Variants in NT5C3A observed in about 807,000 individuals in gnomAD.
NT5C3A encodes the protein cytosolic 5'-nucleotidase 3A.
Under a neutral mutation model 40.0 loss-of-function variants are expected in NT5C3A, and 23 were observed. That is an observed-to-expected ratio of 0.58 (90% CI 0.41 to 0.81). The LOEUF is 0.81. NT5C3A is among the 40% of genes least tolerant of loss of function. The probability of loss-of-function intolerance (pLI) is 0.00; values close to 1 mark genes in which losing one functional copy is unlikely to be tolerated. For missense variants in NT5C3A, 328 were observed against 403.0 expected (o/e 0.81, Z 1.59); for synonymous variants, 130 against 141.4 (o/e 0.92, Z 0.57).
rs1248346980 is a variant in NT5C3A at position 33,014,132 on chromosome 7, A to G, written c.*598T>C. 2.3e-6 allele frequency: 1 copy of G among 431,870 alleles called. No individual in the cohort carries two copies. The highest frequency in any genetic ancestry group is 4.6e-6 in the Non-Finnish European group (1 of 216,790). The allele number at this position is 431,870 out of a possible 1,614,324, so 26.8% of individuals were successfully genotyped here. A position where few individuals can be genotyped will look rare whatever the true frequency, so the allele number is the denominator to read the frequency against. ...TAAAGATAGTTTTGACCATAGAATTAAAAAGGTTTTGCATTTCATATTTAT... is the reference window on the plus strand; with the variant it reads ...TAAAGATAGTTTTGACCATAGAATTGAAAAGGTTTTGCATTTCATATTTAT... On this transcript the variant is annotated 3_prime_UTR_variant, in exon 9 of 9. Coordinates refer to ENST00000610140, the MANE Select transcript of NT5C3A (RefSeq NM_001002010.5).
At chr7:33,022,174 ATAAAG>A in intron 3 of NT5C3A, 75 bp from the exon 4 acceptor site, 2 of 834,852 alleles carry the variant, frequency 2.4e-6, no homozygotes, top group Non-Finnish European at 4.1e-6. Flanking sequence ...ATAATTTGCT[ATAAAG>A]TAATGGCAAA....
intron 1 of NT5C3A, among the ~76,000 whole-genome samples, chr7:33,044,908 A>T (rs1787084958): frequency 6.6e-6 from 1 of 152,224 alleles, no homozygotes; most frequent in African/African-American, 2.4e-5. Context: ...AGGGAAGTAA[A>T]CAAAGGTACT....
At chr7:33,017,140 G>A (rs1336348887) in intron 7 of NT5C3A, 11 of 350,592 alleles carry the variant, frequency 3.1e-5, no homozygotes, top group Non-Finnish European at 5.6e-5. Context: ...CTGAGATTGT[G>A]CTACTGCACT....
chr7:33,051,759 T>C (rs1421446596), intron 1 of NT5C3A, among the ~76,000 whole-genome samples: 2 of 152,180 alleles, frequency 1.3e-5, no homozygotes, highest in Non-Finnish European at 2.9e-5. Context: ...TCAGTTTAAT[T>C]GTATCAAAAC....
Position 33,014,392 on chromosome 7 carries a change from T to G in NT5C3A, c.*338A>C, listed in dbSNP as rs1032376988. The G allele has an allele frequency of 2.2e-6, 1 of 458,806 alleles. No homozygotes were observed. Among genetic ancestry groups the G allele is most frequent in the Non-Finnish European group, 4.3e-6 (1 of 230,570 alleles). The allele number at this position is 458,806 out of a possible 1,614,324, so 28.4% of individuals were successfully genotyped here. On this transcript the variant is annotated 3_prime_UTR_variant, in exon 9 of 9. Transcript: ENST00000610140. ...TTTCACCATTTCATAAAACTTATTT[T>G]AAAATTTCTACAAACTTTCCCAGTG...
At chr7:33,035,534 A>G (rs1304038829) in intron 1 of NT5C3A, among the ~76,000 whole-genome samples, 3 of 152,110 alleles carry the variant, frequency 2.0e-5, no homozygotes, top group Admixed American at 6.6e-5. Flanking sequence ...TACATTTCCT[A>G]TCTCATCCTA....
intron 3 of NT5C3A, chr7:33,023,825 T>G: frequency 1.8e-6 from 1 of 550,640 alleles, no homozygotes; most frequent in Non-Finnish European, 3.2e-6. Flanking sequence ...CAGGAGTCTC[T>G]GATTCCCTTT....
At chr7:33,058,937 T>C (rs2128021194) in intron 1 of NT5C3A, among the ~76,000 whole-genome samples, 1 of 152,334 alleles carries the variant, frequency 6.6e-6, no homozygotes, top group Non-Finnish European at 1.5e-5. Flanking sequence ...AACCCACTGC[T>C]ACCATAGCCT....
chr7:33,023,223 T>A (rs1208620186), intron 3 of NT5C3A, among the ~76,000 whole-genome samples: 1 of 152,152 alleles, frequency 6.6e-6, no homozygotes, highest in Non-Finnish European at 1.5e-5. Context: ...TTTTTAGCAT[T>A]TTTTTAATAC....
chr7:33,023,075 A>G (rs746121219), intron 3 of NT5C3A, among the ~76,000 whole-genome samples: 1 of 151,826 alleles, frequency 6.6e-6, no homozygotes, highest in African/African-American at 2.4e-5. Context: ...CACAATGCCC[A>G]GCTAATTTTT....
chr7:33,030,022 A>G (rs1275379411), intron 1 of NT5C3A, among the ~76,000 whole-genome samples: 1 of 152,234 alleles, frequency 6.6e-6, no homozygotes, highest in Non-Finnish European at 1.5e-5. Flanking sequence ...TGAAATAGGT[A>G]TAAGAAATAT....
chr7:33,060,200 G>A (rs1221253155), intron 1 of NT5C3A, among the ~76,000 whole-genome samples: 6 of 152,046 alleles, frequency 3.9e-5, no homozygotes, highest in Non-Finnish European at 7.4e-5. Context: ...GGATCCTCCC[G>A]CCTCAGCCTC....
intron 6 of NT5C3A, among the ~76,000 whole-genome samples, chr7:33,018,144 C>G (rs1347409236): frequency 6.6e-6 from 1 of 152,162 alleles, no homozygotes; most frequent in East Asian, 1.9e-4. Context: ...CTTGGCCTAA[C>G]TTAATGGATA....
At chr7:33,046,813 T>G (rs1787175783) in intron 1 of NT5C3A, among the ~76,000 whole-genome samples, 1 of 151,802 alleles carries the variant, frequency 6.6e-6, no homozygotes, top group South Asian at 2.1e-4. Flanking sequence ...GACTTTTTTT[T>G]TTTTTTTGGA....
chr7:33,020,868 C>T (rs981157802), intron 5 of NT5C3A, among the ~76,000 whole-genome samples: 6 of 150,620 alleles, frequency 4.0e-5, no homozygotes, highest in Non-Finnish European at 1.5e-5. Context: ...CTGCCTGGAA[C>T]ACTGCATTTT....
intron 1 of NT5C3A, among the ~76,000 whole-genome samples, chr7:33,044,656 G>A (rs76340402): frequency 1.9e-3 from 284 of 152,230 alleles, no homozygotes; most frequent in African/African-American, 6.5e-3. Context: ...TTTTAACGCT[G>A]AAACTGGATG....
intron 1 of NT5C3A, among the ~76,000 whole-genome samples, chr7:33,053,352 T>C (rs1787446462): frequency 6.6e-6 from 1 of 152,144 alleles, no homozygotes; most frequent in African/African-American, 2.4e-5. Context: ...CACGCCTGGC[T>C]AATTTTTGTA....
chr7:33,036,803 T>A (rs1281181664), intron 1 of NT5C3A, among the ~76,000 whole-genome samples: 1 of 151,928 alleles, frequency 6.6e-6, no homozygotes, highest in African/African-American at 2.4e-5. Context: ...TTATTTTTAT[T>A]TTTTTATTTT....
intron 1 of NT5C3A, among the ~76,000 whole-genome samples, chr7:33,046,328 G>A (rs541327047): frequency 6.6e-6 from 1 of 152,202 alleles, no homozygotes; most frequent in East Asian, 1.9e-4. Flanking sequence ...CTTGAGCCCA[G>A]GAGTTTGAGA....
Sources: allele counts gnomAD v4.1 joint callset (sites outside exome capture counted in the v4.1 genomes callset), GRCh38; gene constraint gnomAD v4.1.1; transcripts MANE v1.5; gene names NCBI Gene and HGNC (gene_info 2026-07-23, HGNC 2026-07-21).